Variants in CDK19 observed in about 807,000 individuals in gnomAD.
The protein encoded by CDK19 is cyclin-dependent kinase 19.
Under a neutral mutation model 68.3 loss-of-function variants are expected in CDK19, and 20 were observed. The ratio of observed to expected loss-of-function variants is 0.29; its 90% CI spans 0.21 to 0.43. CDK19 has a LOEUF of 0.43. CDK19 is among the 20% of genes least tolerant of loss of function. The pLI, the probability that CDK19 is intolerant of heterozygous loss-of-function variation, is 1.00. For synonymous variants in CDK19, 221 were observed against 222.8 expected (o/e 0.99, Z 0.07); for missense variants, 339 against 623.5 (o/e 0.54, Z 4.86).
intron 12 of CDK19, among the ~76,000 whole-genome samples, chr6:110,616,475 C>A (rs920523414): frequency 6.6e-6 from 1 of 152,078 alleles, no homozygotes; most frequent in African/African-American, 2.4e-5. Context: ...CAAGACCAGT[C>A]TGGCCAACAT....
chr6:110,775,200 A>T (rs1780316387), intron 1 of CDK19, among the ~76,000 whole-genome samples: 1 of 152,146 alleles, frequency 6.6e-6, no homozygotes, highest in African/African-American at 2.4e-5. Context: ...AGCCAAGATC[A>T]CACCACTGCA....
chr6:110,763,726 C>T (rs1779387863), intron 1 of CDK19, among the ~76,000 whole-genome samples: 1 of 151,984 alleles, frequency 6.6e-6, no homozygotes, highest in Non-Finnish European at 1.5e-5. Context: ...GCTCTCACCA[C>T]TCTTAATCAA....
At chr6:110,724,897 T>C (rs1776214803) in intron 2 of CDK19, among the ~76,000 whole-genome samples, 1 of 152,152 alleles carries the variant, frequency 6.6e-6, no homozygotes, top group Non-Finnish European at 1.5e-5. Context: ...TACTCAGAAT[T>C]CTAAATTATA....
intron 2 of CDK19, among the ~76,000 whole-genome samples, chr6:110,728,212 T>C (rs189539928): frequency 6.8e-6 from 1 of 147,578 alleles, no homozygotes; most frequent in East Asian, 2.0e-4. Flanking sequence ...TGCTTGAACC[T>C]GGGAAGCGGA....
intron 12 of CDK19, among the ~76,000 whole-genome samples, chr6:110,618,147 T>C (rs972530554): frequency 6.6e-6 from 1 of 152,236 alleles, no homozygotes; most frequent in East Asian, 1.9e-4. Flanking sequence ...TCATTTATTT[T>C]TTTTCAGATG....
rs1778184648 is a variant in CDK19 at position 110,614,494 on chromosome 6, C to CTG, written c.*39_*40dup. 2.5e-6 allele frequency: 4 copies of CTG among 1,596,342 alleles called. No individual in the cohort carries two copies. The highest frequency in any genetic ancestry group is 2.7e-5 in the African/African-American group (2 of 74,400). ...TTCAATGCAGACATATTGCTGGAGC[C>CTG]TGTGCTCTGGGCTGGGCTGGCCTGG... On this transcript the variant is annotated 3_prime_UTR_variant, in exon 13 of 13. Coordinates refer to ENST00000368911, the MANE Select transcript of CDK19 (RefSeq NM_015076.5).
intron 2 of CDK19, among the ~76,000 whole-genome samples, chr6:110,705,393 T>C (rs981705758): frequency 1.3e-5 from 2 of 152,122 alleles, no homozygotes; most frequent in Admixed American, 1.3e-4. Flanking sequence ...TCATGGGGCA[T>C]ACAGTTAGTG....
At chr6:110,812,297 T>G (rs1170578950) in intron 1 of CDK19, among the ~76,000 whole-genome samples, 7 of 152,092 alleles carry the variant, frequency 4.6e-5, no homozygotes, top group Admixed American at 4.6e-4. Context: ...ATTCCTTTTG[T>G]ATTTTTAATA....
intron 1 of CDK19, among the ~76,000 whole-genome samples, chr6:110,789,892 T>A (rs1363184569): frequency 6.6e-6 from 1 of 152,224 alleles, no homozygotes; most frequent in Non-Finnish European, 1.5e-5. Context: ...CTCCAAAAAA[T>A]TTTTCTACAT....
intron 4 of CDK19, among the ~76,000 whole-genome samples, chr6:110,666,243 G>A (rs1388811617): frequency 2.1e-5 from 3 of 144,500 alleles, no homozygotes; most frequent in Non-Finnish European, 3.0e-5. Flanking sequence ...GTGAAACCCT[G>A]TCTCTACTAA....
In CDK19 at chr6:110,614,401, T is replaced by C; in HGVS notation, c.*134A>G. ...GCTATCAGTCCTGCACAATGCTCAGTATATAAGGTTTTCCTCCCATGTGTA... is the reference window on the plus strand; with the variant it reads ...GCTATCAGTCCTGCACAATGCTCAGCATATAAGGTTTTCCTCCCATGTGTA... On this transcript the variant is annotated 3_prime_UTR_variant, in exon 13 of 13. Coordinates refer to ENST00000368911, the MANE Select transcript of CDK19 (RefSeq NM_015076.5). The C allele has an allele frequency of 1.4e-6, 1 of 719,646 alleles. No homozygotes were observed. Among genetic ancestry groups the C allele is most frequent in the East Asian group, 2.7e-5 (1 of 37,012 alleles). 44.6% of individuals were successfully genotyped at this position (719,646 alleles called of 1,614,324 possible).
chr6:110,625,609 A>G (rs1166344078), intron 8 of CDK19, among the ~76,000 whole-genome samples: 1 of 152,158 alleles, frequency 6.6e-6, no homozygotes, highest in Admixed American at 6.5e-5. Flanking sequence ...TGATTTTGAA[A>G]CTTGGAAAAG....
At chr6:110,710,150 T>C (rs1774835278) in intron 2 of CDK19, among the ~76,000 whole-genome samples, 1 of 152,128 alleles carries the variant, frequency 6.6e-6, no homozygotes, top group Non-Finnish European at 1.5e-5. Flanking sequence ...CAAGAAAAAG[T>C]AAAAGCAATA....
chr6:110,740,278 C>A (rs1171282964), intron 2 of CDK19, among the ~76,000 whole-genome samples: 2 of 152,150 alleles, frequency 1.3e-5, no homozygotes, highest in Admixed American at 1.3e-4. Context: ...TTTCAACCTA[C>A]CAACCTTAAG....
At chr6:110,626,570 T>A (rs1172989622) in intron 8 of CDK19, among the ~76,000 whole-genome samples, 1 of 152,198 alleles carries the variant, frequency 6.6e-6, no homozygotes, top group African/African-American at 2.4e-5. Flanking sequence ...TTTGCCCTTC[T>A]ACCTATGTGA....
chr6:110,671,795 T>G (rs1318255305), intron 2 of CDK19, among the ~76,000 whole-genome samples: 1 of 152,134 alleles, frequency 6.6e-6, no homozygotes, highest in Non-Finnish European at 1.5e-5. Context: ...CTTTTTTTTT[T>G]TAGACAGTGT....
In CDK19 at chr6:110,622,910, A is replaced by G; in HGVS notation, c.936T>C (p.Leu312=). ...TTGGATCCATGGTCAGGAGTTTCTG[A>G]AGCTAGAGTGACACACAGGAAATGT... ...VKPDSKVFLL[L]QKLLTMDPTK... The change falls in exon 10 of 13, where the codon CTT becomes CTC. Residue 312 remains leucine, a splice_region_variant and synonymous_variant. Transcript: ENST00000368911. 6.3e-7 allele frequency: 1 copy of G among 1,598,228 alleles called. No homozygotes were observed. The highest frequency in any genetic ancestry group is 8.6e-7 in the Non-Finnish European group (1 of 1,165,398).
intron 2 of CDK19, among the ~76,000 whole-genome samples, chr6:110,712,761 A>G (rs757606045): frequency 2.0e-5 from 3 of 152,244 alleles, no homozygotes; most frequent in Non-Finnish European, 4.4e-5. Flanking sequence ...GGAGTAGGTT[A>G]GCTAAAGAGA....
At chr6:110,699,565 G>T (rs1197908528) in intron 2 of CDK19, among the ~76,000 whole-genome samples, 1 of 151,974 alleles carries the variant, frequency 6.6e-6, no homozygotes, top group Non-Finnish European at 1.5e-5. Context: ...AATGGATATT[G>T]GAGATTCAGA....
Sources: allele counts gnomAD v4.1 joint callset (sites outside exome capture counted in the v4.1 genomes callset), GRCh38; gene constraint gnomAD v4.1.1; transcripts MANE v1.5; gene names NCBI Gene and HGNC (gene_info 2026-07-23, HGNC 2026-07-21).